GPR15LG: variants seen among roughly 807,000 people sequenced by gnomAD.
The protein encoded by GPR15LG is G protein-coupled receptor 15 ligand, also known as protein GPR15LG.
the GPR15LG span, among the ~76,000 whole-genome samples, chr10:84,176,992 C>T: frequency 6.6e-6 from 1 of 152,102 alleles, no homozygotes; most frequent in Admixed American, 6.5e-5. Context: ...GAGGTACTCC[C>T]AGAAGCTAAG....
chr10:84,177,679 G>T, the GPR15LG span, among the ~76,000 whole-genome samples: 45 of 152,264 alleles, frequency 3.0e-4, no homozygotes, highest in South Asian at 8.3e-4. Context: ...CACCCAGCCG[G>T]CCAGGATAAA....
chr10:84,184,892 G>C, the GPR15LG span: 16 of 1,502,726 alleles, frequency 1.1e-5, no homozygotes, highest in African/African-American at 1.7e-4. Flanking sequence ...GCTTCATCTC[G>C]GGCTGCAAGG....
chr10:84,183,797 C>T, the GPR15LG span, among the ~76,000 whole-genome samples: 1 of 152,058 alleles, frequency 6.6e-6, no homozygotes, highest in Admixed American at 6.5e-5. Context: ...AGGCGTGCGC[C>T]ACCATGCCTG....
At chr10:84,181,356 C>G in the GPR15LG span, among the ~76,000 whole-genome samples, 2 of 151,602 alleles carry the variant, frequency 1.3e-5, no homozygotes, top group Admixed American at 1.3e-4. Flanking sequence ...GGATTACAGG[C>G]GTGAGCCACC....
chr10:84,174,896 A>G, the GPR15LG span, among the ~76,000 whole-genome samples: 1 of 152,104 alleles, frequency 6.6e-6, no homozygotes, highest in Non-Finnish European at 1.5e-5. Flanking sequence ...TGGTTACTCA[A>G]ACTTTTGGGT....
chr10:84,182,248 C>T, the GPR15LG span, among the ~76,000 whole-genome samples: 1 of 152,228 alleles, frequency 6.6e-6, no homozygotes, highest in African/African-American at 2.4e-5. Flanking sequence ...AGAGGGCTGG[C>T]AGCCCATCCT....
chr10:84,178,152 T>A, the GPR15LG span, among the ~76,000 whole-genome samples: 1 of 149,814 alleles, frequency 6.7e-6, no homozygotes, highest in African/African-American at 2.5e-5. Context: ...CCTAGACACA[T>A]ATACACAGCA....
the GPR15LG span, chr10:84,174,073 A>T: frequency 1.4e-5 from 9 of 653,974 alleles, no homozygotes; most frequent in Admixed American, 1.9e-4. Context: ...CTGAACCTAT[A>T]GGTTTGGGGC....
chr10:84,184,851 C>T, the GPR15LG span: 4 of 1,577,650 alleles, frequency 2.5e-6, no homozygotes, highest in African/African-American at 5.5e-5. Flanking sequence ...CCCCTTTCAG[C>T]CTTCACAGCA....
chr10:84,184,899 A>C, the GPR15LG span: 1 of 1,498,380 alleles, frequency 6.7e-7, no homozygotes, highest in African/African-American at 1.4e-5. Flanking sequence ...CTCGGGCTGC[A>C]AGGACCCTGG....
chr10:84,176,425 C>T, the GPR15LG span: 1 of 1,261,028 alleles, frequency 7.9e-7, no homozygotes, highest in Non-Finnish European at 1.2e-6. Flanking sequence ...AGGGGAAGCT[C>T]ACTCACAGAC....
chr10:84,183,701 C>T, the GPR15LG span, among the ~76,000 whole-genome samples: 19 of 151,698 alleles, frequency 1.3e-4, no homozygotes, highest in Non-Finnish European at 1.9e-4. Context: ...GGCTGGAGTG[C>T]GGTGGCTCAA....
At chr10:84,178,480 A>G in the GPR15LG span, among the ~76,000 whole-genome samples, 3 of 152,106 alleles carry the variant, frequency 2.0e-5, no homozygotes, top group African/African-American at 4.8e-5. Context: ...AACACTACAC[A>G]ACTATACACA....
At chr10:84,185,186 A>G in the GPR15LG span, 6,312 of 611,186 alleles carry the variant, frequency 0.01, 48 homozygotes, top group African/African-American at 0.023. Context: ...AACTACCAGC[A>G]TCCAGTGGTC....
chr10:84,182,713 T>A, the GPR15LG span, among the ~76,000 whole-genome samples: 4 of 152,292 alleles, frequency 2.6e-5, no homozygotes, highest in South Asian at 6.2e-4. Context: ...GCAAGTCCAG[T>A]CCAGATTTTA....
At chr10:84,182,750 T>C in the GPR15LG span, among the ~76,000 whole-genome samples, 1 of 152,178 alleles carries the variant, frequency 6.6e-6, no homozygotes, top group Non-Finnish European at 1.5e-5. Flanking sequence ...CTCCCTATCA[T>C]GATGGGAGAA....
the GPR15LG span, chr10:84,185,228 G>A: frequency 5.3e-4 from 120 of 227,780 alleles, no homozygotes; most frequent in African/African-American, 2.8e-3. Flanking sequence ...CTCCTGACAT[G>A]AGTCTGCTGG....
the GPR15LG span, among the ~76,000 whole-genome samples, chr10:84,179,111 T>G: frequency 2.6e-5 from 4 of 152,136 alleles, no homozygotes; most frequent in Non-Finnish European, 1.5e-5. Flanking sequence ...CAGAAGGAAA[T>G]AGCCATCTGG....
chr10:84,179,939 G>A, the GPR15LG span, among the ~76,000 whole-genome samples: 2 of 150,786 alleles, frequency 1.3e-5, no homozygotes, highest in Non-Finnish European at 2.9e-5. Flanking sequence ...GGGGGATTTG[G>A]CAGGGTCATA....
Sources: allele counts gnomAD v4.1 joint callset (sites outside exome capture counted in the v4.1 genomes callset), GRCh38; gene constraint gnomAD v4.1.1; transcripts MANE v1.5; gene names NCBI Gene and HGNC (gene_info 2026-07-23, HGNC 2026-07-21).